Variants in LPXN observed in about 807,000 individuals in gnomAD.
LPXN encodes leupaxin.
LPXN carries 28 observed loss-of-function variants against 45.6 expected under a neutral mutation model. That is an observed-to-expected ratio of 0.61 (90% CI 0.45 to 0.84). LPXN has a LOEUF of 0.84. Among genes scored for constraint, LPXN ranks in the 40% least tolerant of loss-of-function variants. The probability of loss-of-function intolerance (pLI) is 0.00; values close to 1 mark genes in which losing one functional copy is unlikely to be tolerated. For missense variants in LPXN, 459 were observed against 475.0 expected, an observed-to-expected ratio of 0.97 and a Z score of 0.31; for synonymous variants, 166 against 169.9, an observed-to-expected ratio of 0.98 and a Z score of 0.18.
At chr11:58,550,802 C>T (rs531184881) in intron 5 of LPXN, among the ~76,000 whole-genome samples, 1 of 152,272 alleles carries the variant, frequency 6.6e-6, no homozygotes, top group South Asian at 2.1e-4. Flanking sequence ...TCTTATTATG[C>T]CTTGGATATG....
At position 58,528,092 on chromosome 11, in the gene LPXN, T is replaced by C. The variant is rs1853280691; in HGVS notation, c.842A>G (p.Tyr281Cys). 1 of 1,614,116 alleles carries C rather than the reference T, an allele frequency of 6.2e-7. No individual in the cohort carries two copies. The highest frequency in any genetic ancestry group is 8.5e-7 in the Non-Finnish European group (1 of 1,180,014). ...GGCNRPVLEN[Y>C]LSAMDTVWHP... ...CCAGACAGTGTCCATGGCTGAAAGG[T>C]AGTTTTCCAACACTGGGCGATTGCA... The change falls in exon 8 of 9, where the codon TAC becomes TGC. Residue 281 changes from tyrosine to cysteine, a missense_variant. Coordinates refer to ENST00000395074, the MANE Select transcript of LPXN (RefSeq NM_004811.3).
At chr11:58,527,956 G>T in intron 8 of LPXN, 87 bp downstream of exon 8, 1 of 1,451,100 alleles carries the variant, frequency 6.9e-7, no homozygotes, top group Non-Finnish European at 9.4e-7. Flanking sequence ...TCAGGACTGT[G>T]AACCCTTTCA....
rs1296648587 is a variant in LPXN, at chr11:58,527,661, C to T, written c.954G>A (p.Glu318=). ...TTCCCCGGCGGTGATGGTAATGGAG[C>T]TCACAGAATGGACGTCCATCCAGTT... ...FFELDGRPFC[E]LHYHHRRGTL... The change falls in exon 9 of 9, where the codon GAG becomes GAA. Residue 318 remains glutamate (E), a synonymous_variant. Transcript: ENST00000395074. The T allele has an allele frequency of 1.2e-6, 2 of 1,613,972 alleles. No individual in the cohort carries two copies. Among genetic ancestry groups the T allele is most frequent in the Non-Finnish European group, 1.7e-6 (2 of 1,180,014 alleles).
In LPXN at chr11:58,550,061, A is replaced by G. The variant is rs1405850694; in HGVS notation, c.572T>C (p.Phe191Ser). The change falls in exon 6 of 9, where the codon TTT becomes TCT. Residue 191 changes from phenylalanine (F) to serine (S), a missense_variant. Phe to Ser is a radical substitution (Grantham distance 155, BLOSUM62 -2). Coordinates refer to ENST00000395074, the MANE Select transcript of LPXN (RefSeq NM_004811.3). ...GCAGTAGGCCAAGCCACTCCGCTCA[A>G]AGAAGGGACTGGAGCCAATCTCTTC... ...CKEEIGSSPF[F>S]ERSGLAYCPN... 2 of 1,614,236 alleles carry G rather than the reference A, an allele frequency of 1.2e-6. No individual in the cohort carries two copies. Among genetic ancestry groups the G allele is most frequent in the Non-Finnish European group, 1.7e-6 (2 of 1,180,034 alleles).
At chr11:58,551,269 C>A (rs1854044743) in intron 4 of LPXN, 37 bp from the exon 5 acceptor site, 1 of 1,535,516 alleles carries the variant, frequency 6.5e-7, no homozygotes, top group African/African-American at 1.4e-5. Flanking sequence ...GAATCAGCCT[C>A]ATTTTTATTC....
chr11:58,566,383 G>A (rs1854528735), intron 2 of LPXN, among the ~76,000 whole-genome samples: 1 of 152,088 alleles, frequency 6.6e-6, no homozygotes, highest in Non-Finnish European at 1.5e-5. Context: ...CGTCATAGGT[G>A]CTGTCTTTCT....
intron 7 of LPXN, among the ~76,000 whole-genome samples, chr11:58,534,780 C>G (rs1323610630): frequency 6.6e-6 from 1 of 151,652 alleles, no homozygotes; most frequent in Non-Finnish European, 1.5e-5. Flanking sequence ...ACTAGCCACA[C>G]TAATAAAGAA....
At chr11:58,576,706 ATAAT>A (rs1854903192), upstream of LPXN, among the ~76,000 whole-genome samples, 1 of 152,364 alleles carries the variant, frequency 6.6e-6, no homozygotes, top group East Asian at 1.9e-4. Context: ...ACTTGCTAAG[ATAAT>A]TAATTGGTAG....
In LPXN at chr11:58,527,213, A is replaced by G. The variant is rs1289730580; in HGVS notation, c.*241T>C. On this transcript the variant is annotated 3_prime_UTR_variant, in exon 9 of 9. Transcript: ENST00000395074. ...GATAGAAGGACCTAGATCTAACTCC[A>G]AGTGCTTGATTGGAGAAGAGAGGGA... 7 of 477,074 alleles carry G rather than the reference A, an allele frequency of 1.5e-5. No homozygotes were observed. The highest frequency in any genetic ancestry group is 3.8e-6 in the Non-Finnish European group (1 of 263,394). The allele number at this position is 477,074 out of a possible 1,614,324, so 29.6% of individuals were successfully genotyped here.
At position 58,527,436 on chromosome 11, in the gene LPXN, G is replaced by T. The variant is rs758398391; in HGVS notation, c.*18C>A. 40 of 1,613,312 alleles carry T rather than the reference G, an allele frequency of 2.5e-5. No individual in the cohort carries two copies. The South Asian group carries it at 3.4e-4, about 14-fold the overall frequency. On this transcript the variant is annotated 3_prime_UTR_variant, in exon 9 of 9. Transcript: ENST00000395074. ...TAAATTTTATAAGGAATCTGAAGAG[G>T]CTATGGATCAGTTGGCATTACAGTG...
At chr11:58,571,061 G>A (rs1854680643) in intron 1 of LPXN, among the ~76,000 whole-genome samples, 1 of 152,154 alleles carries the variant, frequency 6.6e-6, no homozygotes, top group Non-Finnish European at 1.5e-5. Context: ...ATAAAACTGG[G>A]CTGGGTATAG....
At chr11:58,534,790 A>C (rs899373653) in intron 7 of LPXN, among the ~76,000 whole-genome samples, 5 of 152,208 alleles carry the variant, frequency 3.3e-5, no homozygotes, top group Admixed American at 6.5e-5. Context: ...CTAATAAAGA[A>C]AAAAAGAGAG....
intron 7 of LPXN, among the ~76,000 whole-genome samples, chr11:58,531,858 A>G (rs984951686): frequency 1.3e-5 from 2 of 152,212 alleles, no homozygotes; most frequent in African/African-American, 4.8e-5. Context: ...ACGCTTGAGG[A>G]GCCCTTCAGC....
In LPXN at chr11:58,565,116, A is replaced by G. The variant is rs937064573; in HGVS notation, c.172-915T>C. Among the ~76,000 whole-genome samples, 5 of 152,332 alleles carry G rather than the reference A, an allele frequency of 3.3e-5. No individual in the cohort carries two copies. In the East Asian group the frequency reaches 5.8e-4, roughly 18 times the overall value. ...TTTAGAAAGAAAATGGGTTCCAAAA[A>G]TAAGTCATATTGTATCATTTTTAAA... On this transcript the variant is annotated intron_variant, in intron 2 of 8. Coordinates refer to ENST00000395074, the MANE Select transcript of LPXN (RefSeq NM_004811.3).
chr11:58,549,699 G>C, intron 7 of LPXN, 87 bp downstream of exon 7: 2 of 1,085,792 alleles, frequency 1.8e-6, no homozygotes, highest in Non-Finnish European at 2.8e-6. Flanking sequence ...ATAGGAACCA[G>C]GACTCCCGTG....
chr11:58,533,425 T>C (rs1853456176), intron 7 of LPXN, among the ~76,000 whole-genome samples: 1 of 152,128 alleles, frequency 6.6e-6, no homozygotes, highest in Non-Finnish European at 1.5e-5. Flanking sequence ...CAAACTAAGC[T>C]TCGTAAACAA....
chr11:58,539,120 C>G (rs918643117), intron 7 of LPXN, among the ~76,000 whole-genome samples: 7 of 152,062 alleles, frequency 4.6e-5, no homozygotes, highest in Non-Finnish European at 1.0e-4. Context: ...AAGCCCTGGG[C>G]AATGTAGTGA....
At chr11:58,537,266 G>A (rs1189939221) in intron 7 of LPXN, among the ~76,000 whole-genome samples, 1 of 152,150 alleles carries the variant, frequency 6.6e-6, no homozygotes, top group Non-Finnish European at 1.5e-5. Context: ...CAACCCAAAT[G>A]CCCATCAATG....
At chr11:58,575,935 G>T, upstream of LPXN, 1 of 1,430,978 alleles carries the variant, frequency 7.0e-7, no homozygotes, top group Non-Finnish European at 9.1e-7. Flanking sequence ...TTTTGATTTG[G>T]TGAGCTTTTT....
Sources: gnomAD v4.1 joint callset for allele counts (sites outside exome capture counted in the v4.1 genomes callset) on GRCh38, gnomAD v4.1.1 for gene constraint, MANE v1.5 for transcripts, NCBI Gene and HGNC (gene_info 2026-07-23, HGNC 2026-07-21) for gene names.